Variants in UNC5D observed in about 807,000 individuals in gnomAD.
UNC5D encodes the protein netrin receptor UNC5D.
UNC5D carries 39 observed loss-of-function variants against 105.4 expected under a neutral mutation model. The observed-to-expected ratio is 0.37, with a 90% CI of 0.29 to 0.48. UNC5D has a LOEUF of 0.48. Ranked by LOEUF, UNC5D falls within the 20% of genes least tolerant of loss-of-function variation. The pLI is 0.98. For missense variants in UNC5D, 991 were observed against 1,202.4 expected, an observed-to-expected ratio of 0.82 and a Z score of 2.60; for synonymous variants, 452 against 450.4, an observed-to-expected ratio of 1.00 and a Z score of -0.04.
At chr8:35,601,443 C>A (rs548332671) in intron 4 of UNC5D, among the ~76,000 whole-genome samples, 7 of 152,212 alleles carry the variant, frequency 4.6e-5, no homozygotes, top group African/African-American at 1.7e-4. Flanking sequence ...ATGGAATGTT[C>A]TTCCATTTGT....
intron 1 of UNC5D, among the ~76,000 whole-genome samples, chr8:35,420,634 G>A (rs1158911672): frequency 1.3e-5 from 2 of 152,196 alleles, no homozygotes; most frequent in African/African-American, 4.8e-5. Flanking sequence ...GAAGCCAGAT[G>A]TGCCTCCTAC....
At chr8:35,637,774 C>T (rs1488480027) in intron 4 of UNC5D, among the ~76,000 whole-genome samples, 1 of 152,170 alleles carries the variant, frequency 6.6e-6, no homozygotes, top group East Asian at 1.9e-4. Flanking sequence ...TGCTCCATTT[C>T]CAAAGAGAGG....
intron 1 of UNC5D, among the ~76,000 whole-genome samples, chr8:35,446,272 G>T (rs1001751898): frequency 7.9e-5 from 12 of 151,734 alleles, no homozygotes; most frequent in East Asian, 1.9e-4. Flanking sequence ...GGATTTATTG[G>T]TTTTTTAATG....
chr8:35,306,573 A>G (rs1808436260), intron 1 of UNC5D, among the ~76,000 whole-genome samples: 1 of 152,128 alleles, frequency 6.6e-6, no homozygotes. Flanking sequence ...TTTTGTCTCG[A>G]AATCTTTAGT....
chr8:35,605,352 A>T (rs951487406), intron 4 of UNC5D, among the ~76,000 whole-genome samples: 2 of 152,186 alleles, frequency 1.3e-5, no homozygotes, highest in African/African-American at 4.8e-5. Flanking sequence ...GTGGCTGCAG[A>T]ACAGCAGATG....
chr8:35,627,701 G>A (rs1474599423), intron 4 of UNC5D, among the ~76,000 whole-genome samples: 2 of 152,204 alleles, frequency 1.3e-5, no homozygotes. Flanking sequence ...GGCTGAGGTG[G>A]AAGGTTCACT....
At position 35,523,655 on chromosome 8, in the gene UNC5D, T is replaced by A. The variant is rs1364735981; in HGVS notation, c.104-25637T>A. ...TTGCTAAATAATACTAAAAAAAAAA[T>A]TTCATTTTGAAGGCAGGGCTTGAAT... On this transcript the variant is annotated intron_variant, in intron 1 of 16. Transcript: ENST00000404895. Among the ~76,000 whole-genome samples the A allele has an allele frequency of 1.7e-3, 224 of 128,456 alleles. 1 individual carries two copies. Among genetic ancestry groups the A allele is most frequent in the African/African-American group, 5.9e-3 (203 of 34,232 alleles). 84.3% of individuals were successfully genotyped at this position (128,456 alleles called of 152,430 possible).
intron 4 of UNC5D, among the ~76,000 whole-genome samples, chr8:35,604,131 C>T (rs1313329409): frequency 1.2e-4 from 19 of 152,164 alleles, no homozygotes; most frequent in Non-Finnish European, 7.3e-5. Flanking sequence ...GCAGTTTCTT[C>T]GTAGCCTTGA....
intron 11 of UNC5D, among the ~76,000 whole-genome samples, chr8:35,740,806 A>C (rs1829720965): frequency 6.6e-6 from 1 of 152,224 alleles, no homozygotes; most frequent in South Asian, 2.1e-4. Context: ...TGGTTGGGTT[A>C]CCGACCCCAT....
chr8:35,263,059 C>A (rs554724994), intron 1 of UNC5D, among the ~76,000 whole-genome samples: 1 of 152,192 alleles, frequency 6.6e-6, no homozygotes, highest in East Asian at 1.9e-4. Context: ...GTACTTTATA[C>A]TCCAACCACA....
rs747420392 is a variant in UNC5D at position 35,510,509 on chromosome 8, G to A, written c.104-38783G>A. Reference sequence around the variant, plus strand: ...ACCTGCTGCCTCAACTTTTTTTAGCGACAATAAGGCTTCATTGCTGAGGTT... The same window carrying A: ...ACCTGCTGCCTCAACTTTTTTTAGCAACAATAAGGCTTCATTGCTGAGGTT... On this transcript the variant is annotated intron_variant, in intron 1 of 16. Transcript: ENST00000404895. 5.3e-5 allele frequency among the ~76,000 whole-genome samples: 8 copies of A among 151,886 alleles called. No individual in the cohort carries two copies. In the South Asian group the frequency reaches 1.2e-3, roughly 24 times the overall value.
chr8:35,693,401 T>C (rs1349037337), intron 7 of UNC5D, among the ~76,000 whole-genome samples: 1 of 152,176 alleles, frequency 6.6e-6, no homozygotes, highest in Non-Finnish European at 1.5e-5. Flanking sequence ...GAAAAAGACA[T>C]TTGTTTTTTT....
chr8:35,781,435 G>C (rs1480767236), intron 16 of UNC5D, among the ~76,000 whole-genome samples: 1 of 152,150 alleles, frequency 6.6e-6, no homozygotes, highest in Non-Finnish European at 1.5e-5. Context: ...TCTAGGCAGT[G>C]GGTGTGTGTG....
chr8:35,687,740 T>C (rs1415180239), intron 7 of UNC5D, among the ~76,000 whole-genome samples: 1 of 152,198 alleles, frequency 6.6e-6, no homozygotes, highest in Non-Finnish European at 1.5e-5. Flanking sequence ...TCTCTGACTA[T>C]AGTTACCAAA....
At chr8:35,568,954 A>C (rs907516493) in intron 3 of UNC5D, among the ~76,000 whole-genome samples, 12 of 152,078 alleles carry the variant, frequency 7.9e-5, no homozygotes, top group African/African-American at 2.7e-4. Flanking sequence ...TAAAGACATT[A>C]AGGGATTTTT....
At chr8:35,392,066 A>C (rs540040644) in intron 1 of UNC5D, among the ~76,000 whole-genome samples, 1 of 152,318 alleles carries the variant, frequency 6.6e-6, no homozygotes, top group East Asian at 1.9e-4. Flanking sequence ...TCTGTGGGTA[A>C]GAAGTCTGAA....
At chr8:35,715,426 T>C (rs948131819) in intron 8 of UNC5D, among the ~76,000 whole-genome samples, 4 of 152,244 alleles carry the variant, frequency 2.6e-5, no homozygotes, top group African/African-American at 9.6e-5. Flanking sequence ...CTGTTTATAC[T>C]TCCTAGAACA....
intron 1 of UNC5D, among the ~76,000 whole-genome samples, chr8:35,456,094 T>C (rs969623287): frequency 1.1e-4 from 16 of 152,314 alleles, no homozygotes; most frequent in African/African-American, 3.8e-4. Context: ...AGATAATTTT[T>C]AAGGAGGAGA....
chr8:35,547,915 AG>A (rs1217744620), intron 1 of UNC5D, among the ~76,000 whole-genome samples: 1 of 152,216 alleles, frequency 6.6e-6, no homozygotes. Flanking sequence ...CAAGCTGAGG[AG>A]CAAGGAAGCC....
Sources: allele counts gnomAD v4.1 joint callset (sites outside exome capture counted in the v4.1 genomes callset), GRCh38; gene constraint gnomAD v4.1.1; transcripts MANE v1.5; gene names NCBI Gene and HGNC (gene_info 2026-07-23, HGNC 2026-07-21).